Variants in HIPK2 observed in about 807,000 individuals in gnomAD.
HIPK2 encodes the protein homeodomain interacting protein kinase 2.
In HIPK2, 27 loss-of-function variants were observed where a neutral mutation model predicts 113.7. The ratio of observed to expected loss-of-function variants is 0.24; its 90% confidence interval spans 0.17 to 0.33. The LOEUF (loss-of-function observed/expected upper bound fraction) is 0.33, where lower values mean the gene tolerates loss of function less well. Ranked by LOEUF, HIPK2 falls within the 10% of genes least tolerant of loss-of-function variation. HIPK2 has a pLI of 1.00. For missense variants in HIPK2, 1,257 were observed against 1,588.0 expected, an observed-to-expected ratio of 0.79 and a Z score of 3.54; for synonymous variants, 631 against 642.2, an observed-to-expected ratio of 0.98 and a Z score of 0.26.
At chr7:139,672,758 C>A (rs1802349795) in intron 2 of HIPK2, among the ~76,000 whole-genome samples, 1 of 152,168 alleles carries the variant, frequency 6.6e-6, no homozygotes, top group South Asian at 2.1e-4. Context: ...CCGCGCCTGG[C>A]CACAAGTAAC....
chr7:139,718,789 C>T (rs1206878239), intron 1 of HIPK2, among the ~76,000 whole-genome samples: 1 of 152,204 alleles, frequency 6.6e-6, no homozygotes, highest in Admixed American at 6.5e-5. Flanking sequence ...AAACTCCCAA[C>T]ATGGAAGGCA....
intron 2 of HIPK2, among the ~76,000 whole-genome samples, chr7:139,657,143 T>C (rs1801699111): frequency 1.3e-5 from 2 of 152,202 alleles, no homozygotes; most frequent in Admixed American, 6.5e-5. Flanking sequence ...AATGCTGGGA[T>C]TACAGGCATG....
In HIPK2 at chr7:139,769,013, C is replaced by CA. The variant is rs565175352; in HGVS notation, c.19+8591dup. 2.0e-4 allele frequency among the ~76,000 whole-genome samples: 30 copies of CA among 152,334 alleles called. No individual in the cohort carries two copies. The East Asian group carries it at 3.7e-3, about 19-fold the overall frequency. On this transcript the variant is annotated intron_variant, in intron 1 of 14. Transcript: ENST00000406875. Reference sequence around the variant, plus strand: ...CACCAGGGTTATACTATGACCCAGTCAGATTCTGTGAAATGCGAGTGAGCC... The same window carrying CA: ...CACCAGGGTTATACTATGACCCAGTCAAGATTCTGTGAAATGCGAGTGAGCC...
At chr7:139,573,468 A>G (rs1798381135) in intron 14 of HIPK2, 71 bp from the exon 15 acceptor site, 1 of 1,397,104 alleles carries the variant, frequency 7.2e-7, no homozygotes, top group Non-Finnish European at 9.9e-7. Context: ...GAGGAGGGGC[A>G]GGAGGGCAGG....
In HIPK2 at chr7:139,716,733, G is replaced by A; in HGVS notation, c.302C>T (p.Thr101Ile). 1.2e-6 allele frequency: 2 copies of A among 1,613,984 alleles called. No individual in the cohort carries two copies. The highest frequency in any genetic ancestry group is 1.7e-6 in the Non-Finnish European group (2 of 1,179,898). The change falls in exon 2 of 15, where the codon ACT becomes ATT. Residue 101 changes from threonine (T) to isoleucine (I), a missense_variant. Thr to Ile is a moderately conservative substitution (Grantham distance 89). Coordinates refer to ENST00000406875, the MANE Select transcript of HIPK2 (RefSeq NM_022740.5). The surrounding 1 kb of genome is among the most constrained non-coding windows in gnomAD (Gnocchi z 9.3). ...GCCGAGGACTTGCCCGGTGACAGAA[G>A]TGCTGCTTGCTGAGGTGACCACGAT... ...GHIVVTSASS[T>I]SVTGQVLGGP...
chr7:139,660,057 T>C (rs1038331816), intron 2 of HIPK2, among the ~76,000 whole-genome samples: 4 of 152,250 alleles, frequency 2.6e-5, no homozygotes, highest in African/African-American at 4.8e-5. Flanking sequence ...GAAAACCTTT[T>C]ATCAAAAACA....
intron 1 of HIPK2, among the ~76,000 whole-genome samples, chr7:139,717,971 T>C (rs1795298083): frequency 6.6e-6 from 1 of 152,138 alleles, no homozygotes; most frequent in Non-Finnish European, 1.5e-5. Context: ...CTCAAACTCC[T>C]GACCTCAGGT....
intron 2 of HIPK2, among the ~76,000 whole-genome samples, chr7:139,640,415 G>A (rs558685381): frequency 3.9e-4 from 59 of 152,142 alleles, no homozygotes; most frequent in Admixed American, 5.9e-4. Flanking sequence ...TCAAGAGGGC[G>A]TGGCCCGCAC....
At chr7:139,581,491 A>T (rs2116527823) in intron 13 of HIPK2, among the ~76,000 whole-genome samples, 1 of 152,324 alleles carries the variant, frequency 6.6e-6, no homozygotes, top group African/African-American at 2.4e-5. Context: ...TGCTTCCAAA[A>T]GAAACTTCAC....
intron 2 of HIPK2, among the ~76,000 whole-genome samples, chr7:139,706,321 G>C (rs1425757526): frequency 6.6e-6 from 1 of 152,174 alleles, no homozygotes; most frequent in Admixed American, 6.5e-5. Flanking sequence ...TGTGATTCAG[G>C]GTTCAGAGAT....
intron 1 of HIPK2, among the ~76,000 whole-genome samples, chr7:139,725,709 G>A (rs1448009368): frequency 6.6e-6 from 1 of 152,206 alleles, no homozygotes; most frequent in Non-Finnish European, 1.5e-5. Flanking sequence ...GTAGGTGACT[G>A]TCCTGATTGC....
chr7:139,677,179 T>C (rs1802530697), intron 2 of HIPK2, among the ~76,000 whole-genome samples: 1 of 150,892 alleles, frequency 6.6e-6, no homozygotes, highest in Admixed American at 6.6e-5. Flanking sequence ...GTATTTCTAA[T>C]GTGGGATGTG....
chr7:139,733,161 G>A (rs556359315), intron 1 of HIPK2, among the ~76,000 whole-genome samples: 2 of 152,224 alleles, frequency 1.3e-5, no homozygotes, highest in Non-Finnish European at 2.9e-5. Flanking sequence ...CCCAGAAACT[G>A]AGCAGATGCT....
chr7:139,703,492 A>G (rs970032597), intron 2 of HIPK2, among the ~76,000 whole-genome samples: 3 of 152,052 alleles, frequency 2.0e-5, no homozygotes, highest in Non-Finnish European at 2.9e-5. Context: ...TGGCACCAAC[A>G]GTTTGTCCCT....
chr7:139,582,976 T>G (rs1053263362), intron 13 of HIPK2, among the ~76,000 whole-genome samples: 2 of 152,252 alleles, frequency 1.3e-5, no homozygotes, highest in Non-Finnish European at 2.9e-5. Flanking sequence ...GTGACAGACA[T>G]GAGGTCCTCC....
intron 2 of HIPK2, among the ~76,000 whole-genome samples, chr7:139,661,908 C>T (rs551175469): frequency 2.0e-5 from 3 of 152,282 alleles, no homozygotes; most frequent in Admixed American, 6.5e-5. Context: ...ATAACTATCT[C>T]CCCCAAAGCC....
Position 139,575,141 on chromosome 7 carries a change from A to G in HIPK2, c.3113T>C (p.Leu1038Pro). 1 of 1,594,100 alleles carries G rather than the reference A, an allele frequency of 6.3e-7. No individual in the cohort carries two copies. Among genetic ancestry groups the G allele is most frequent in the Non-Finnish European group, 8.5e-7 (1 of 1,171,088 alleles). The part of the protein sequence containing the change: ...PGPHFQQQQP[L>P]NLSQAQQHIT... ...TGTGGGGCTTACCTGGCTGAGATTGAGTGGCTGCTGCTGCTGGAAGTGGGG... is the reference window on the plus strand; with the variant it reads ...TGTGGGGCTTACCTGGCTGAGATTGGGTGGCTGCTGCTGCTGGAAGTGGGG... Residue 1038 changes from leucine (L) to proline (P), a missense_variant, in exon 14 of 15, where the codon CTC becomes CCC. Transcript: ENST00000406875.
chr7:139,602,956 T>A (rs112304240), intron 10 of HIPK2, among the ~76,000 whole-genome samples: 4 of 152,200 alleles, frequency 2.6e-5, no homozygotes, highest in African/African-American at 9.6e-5. Flanking sequence ...TCTACATGGT[T>A]TGAGATGGAG....
chr7:139,569,019 A>T lies in HIPK2; in HGVS notation c.*3908T>A, dbSNP rs1217542407. The T allele has an allele frequency of 1.3e-5, 2 of 152,342 alleles. No homozygotes were observed. Among genetic ancestry groups the T allele is most frequent in the Non-Finnish European group, 2.9e-5 (2 of 68,144 alleles). 9.4% of individuals were successfully genotyped at this position (152,342 alleles called of 1,614,324 possible). A position where few individuals can be genotyped will look rare whatever the true frequency, so the allele number is the denominator to read the frequency against. ...GTCTGGGGACAGCGTGTGAGCACCC[A>T]GCGCACACAGCACAGTGCACTGAAG... On this transcript the variant is annotated 3_prime_UTR_variant, in exon 15 of 15. Transcript: ENST00000406875.
Sources: gnomAD v4.1 joint callset for allele counts (sites outside exome capture counted in the v4.1 genomes callset) on GRCh38, gnomAD v4.1.1 for gene constraint, Gnocchi (gnomAD v3.1) non-coding constraint, MANE v1.5 for transcripts, NCBI Gene and HGNC (gene_info 2026-07-23, HGNC 2026-07-21) for gene names.